Variants in NSG2 observed in about 807,000 individuals in gnomAD.
NSG2 encodes neuronal vesicle trafficking-associated protein 2.
A neutral mutation model predicts 16.9 loss-of-function variants in NSG2; 4 were observed. The observed-to-expected ratio is 0.24, with a 90% CI of 0.12 to 0.54. The LOEUF (loss-of-function observed/expected upper bound fraction) is 0.54. NSG2 is among the 20% of genes least tolerant of loss of function. The pLI is 0.95. For synonymous variants in NSG2, 98 were observed against 88.7 expected (o/e 1.11, Z -0.59); for missense variants, 179 against 221.1 (o/e 0.81, Z 1.21).
chr5:174,049,318 C>G (rs949505331), intron 2 of NSG2, among the ~76,000 whole-genome samples: 1 of 151,978 alleles, frequency 6.6e-6, no homozygotes, highest in African/African-American at 2.4e-5. Context: ...CCAGCCTGGG[C>G]GACAGAGCGA....
intron 3 of NSG2, among the ~76,000 whole-genome samples, chr5:174,079,247 T>TTC (rs60883319): frequency 0.13 from 19,202 of 148,498 alleles, 1,673 homozygotes; most frequent in African/African-American, 0.25. Context: ...TTCTCTCTCT[T>TTC]TCTCTCTCTC....
chr5:174,045,875 TC>T (rs533488810), intron 1 of NSG2, 32 bp downstream of exon 1: 2 of 152,270 alleles, frequency 1.3e-5, no homozygotes, highest in Non-Finnish European at 2.9e-5. Flanking sequence ...CTATAACCAC[TC>T]CCCAATATCC....
chr5:174,076,265 CT>C (rs1156776216), intron 3 of NSG2, among the ~76,000 whole-genome samples: 1 of 152,150 alleles, frequency 6.6e-6, no homozygotes, highest in East Asian at 1.9e-4. Flanking sequence ...CCCTTAACTT[CT>C]TTCACTGGGA....
intron 3 of NSG2, among the ~76,000 whole-genome samples, chr5:174,068,572 TG>T (rs1561665035): frequency 6.6e-6 from 1 of 151,312 alleles, no homozygotes; most frequent in Non-Finnish European, 1.5e-5. Context: ...CTGGTGATCC[TG>T]GTGCTGTGGA....
chr5:174,083,061 A>G (rs1220119392), intron 3 of NSG2, among the ~76,000 whole-genome samples: 1 of 152,138 alleles, frequency 6.6e-6, no homozygotes. Context: ...TCCAACGTCC[A>G]CACCCTGGGG....
chr5:174,097,654 TGA>T (rs1251849559), intron 3 of NSG2, among the ~76,000 whole-genome samples: 6 of 150,978 alleles, frequency 4.0e-5, no homozygotes, highest in African/African-American at 1.5e-4. Flanking sequence ...TCTCTCTCAG[TGA>T]GTGTGTGTGT....
At chr5:174,061,909 CTTT>C (rs11426817) in intron 2 of NSG2, among the ~76,000 whole-genome samples, 23 of 116,628 alleles carry the variant, frequency 2.0e-4, no homozygotes, top group South Asian at 2.9e-4. Context: ...AGCCCCCAAA[CTTT>C]TTTTTTTTTT....
intron 2 of NSG2, among the ~76,000 whole-genome samples, chr5:174,063,001 T>TGGAC (rs1442766422): frequency 6.6e-6 from 1 of 152,204 alleles, no homozygotes; most frequent in Admixed American, 6.5e-5. Flanking sequence ...GACAAGTGAC[T>TGGAC]TAGCATCTCT....
chr5:174,067,180 C>A (rs1359560257), intron 3 of NSG2, among the ~76,000 whole-genome samples: 4 of 152,192 alleles, frequency 2.6e-5, no homozygotes, highest in African/African-American at 4.8e-5. Flanking sequence ...GTGTTATTAG[C>A]AGTGATATAG....
chr5:174,048,863 A>G (rs757902609), intron 2 of NSG2, among the ~76,000 whole-genome samples: 1 of 152,228 alleles, frequency 6.6e-6, no homozygotes, highest in African/African-American at 2.4e-5. Flanking sequence ...CATGCATGCA[A>G]CGTGAAGCCA....
At chr5:174,098,137 G>A (rs1760836007) in intron 3 of NSG2, among the ~76,000 whole-genome samples, 4 of 152,262 alleles carry the variant, frequency 2.6e-5, no homozygotes. Flanking sequence ...GAATGCTGAG[G>A]AGATGTTCTC....
intron 3 of NSG2, among the ~76,000 whole-genome samples, 188 bp from the exon 4 acceptor site, chr5:174,104,040 C>T (rs535244326): frequency 6.6e-6 from 1 of 152,258 alleles, no homozygotes; most frequent in South Asian, 2.1e-4. Flanking sequence ...CAGAGATTAT[C>T]CTGCAGAAGG....
At chr5:174,075,979 T>G (rs1760334557) in intron 3 of NSG2, among the ~76,000 whole-genome samples, 1 of 152,260 alleles carries the variant, frequency 6.6e-6, no homozygotes, top group South Asian at 2.1e-4. Context: ...CAACCCTCAC[T>G]TGGGTGATCA....
chr5:174,066,584 ATACTTTCATCTAATTTT>A (rs1309125318), intron 3 of NSG2, among the ~76,000 whole-genome samples: 1 of 152,092 alleles, frequency 6.6e-6, no homozygotes, highest in East Asian at 1.9e-4. Context: ...TGTATATGAG[ATACTTTCATCTAATTTT>A]TACTTCTCTA....
chr5:174,045,930 G>A (rs768132849), intron 1 of NSG2, 87 bp downstream of exon 1: 5 of 152,244 alleles, frequency 3.3e-5, no homozygotes, highest in Admixed American at 6.5e-5. Context: ...TTGTCTAAAC[G>A]TTCCATCAGC....
At position 174,108,144 on chromosome 5, in the gene NSG2, C is replaced by T; in HGVS notation, c.*639C>T. On this transcript the variant is annotated 3_prime_UTR_variant, in exon 5 of 5. Coordinates refer to ENST00000303177, the MANE Select transcript of NSG2 (RefSeq NM_015980.5). Reference sequence around the variant, plus strand: ...GTGCATTTTGCAAGATGAGCACAAACTTTCTGGGCCTCCATCCTAGGACCT... The same window carrying T: ...GTGCATTTTGCAAGATGAGCACAAATTTTCTGGGCCTCCATCCTAGGACCT... The T allele has an allele frequency of 4.8e-6, 1 of 207,736 alleles. No homozygotes were observed. The highest frequency in any genetic ancestry group is 1.5e-4 in the East Asian group (1 of 6,648). 12.9% of individuals were successfully genotyped at this position (207,736 alleles called of 1,614,324 possible).
intron 2 of NSG2, among the ~76,000 whole-genome samples, chr5:174,059,075 C>T (rs577173804): frequency 6.6e-6 from 1 of 152,202 alleles, no homozygotes; most frequent in East Asian, 1.9e-4. Flanking sequence ...GGTTATGGTC[C>T]CAACTCTGCC....
intron 3 of NSG2, among the ~76,000 whole-genome samples, chr5:174,067,667 C>T (rs1327351001): frequency 1.3e-5 from 2 of 152,208 alleles, no homozygotes; most frequent in African/African-American, 4.8e-5. Flanking sequence ...AGAGCTCCTT[C>T]TGGGCCCCAT....
At chr5:174,103,869 C>A (rs1760937415) in intron 3 of NSG2, among the ~76,000 whole-genome samples, 1 of 152,114 alleles carries the variant, frequency 6.6e-6, no homozygotes, top group South Asian at 2.1e-4. Flanking sequence ...AAGGCTGAGG[C>A]AGGGAGAAGC....
Sources: gnomAD v4.1 joint callset for allele counts (sites outside exome capture counted in the v4.1 genomes callset) on GRCh38, gnomAD v4.1.1 for gene constraint, MANE v1.5 for transcripts, NCBI Gene and HGNC (gene_info 2026-07-23, HGNC 2026-07-21) for gene names.